SRL: variants seen among roughly 807,000 people sequenced by gnomAD.
SRL encodes the protein sarcalumenin.
Under a neutral mutation model 39.5 loss-of-function variants are expected in SRL, and 23 were observed. The ratio of observed to expected loss-of-function variants is 0.58; its 90% CI spans 0.42 to 0.82. SRL has a LOEUF of 0.82. Ranked by LOEUF, SRL falls within the 40% of genes least tolerant of loss-of-function variation. SRL has a pLI of 0.00. For missense variants in SRL, 592 were observed against 607.8 expected (o/e 0.97, Z 0.27); for synonymous variants, 272 against 237.4 (o/e 1.15, Z -1.34).
In SRL at chr16:4,195,647, C is replaced by T; in HGVS notation, c.516G>A (p.Lys172=). The change falls in exon 5 of 6, where the codon AAG becomes AAA. Residue 172 remains lysine (K), a synonymous_variant. Transcript: ENST00000399609. ...LEKFGQNFLE[K]LIGIEVPHKL... is the part of the protein sequence containing the mutation. ...TGTGGGGAACCTCAATGCCAATCAG[C>T]TTCTCTAGGAAATTCTGGCCAAACT... 6.2e-7 allele frequency: 1 copy of T among 1,614,192 alleles called. No homozygotes were observed. Among genetic ancestry groups the T allele is most frequent in the Non-Finnish European group, 8.5e-7 (1 of 1,180,038 alleles).
chr16:4,194,055 C>T (rs2052101736), intron 5 of SRL, among the ~76,000 whole-genome samples: 1 of 152,074 alleles, frequency 6.6e-6, no homozygotes, highest in Admixed American at 6.6e-5. Flanking sequence ...TAACCATAAA[C>T]TGAGATCCAC....
At chr16:4,202,382 C>T (rs993867938) in intron 3 of SRL, among the ~76,000 whole-genome samples, 8 of 152,050 alleles carry the variant, frequency 5.3e-5, no homozygotes, top group East Asian at 1.9e-4. Context: ...TCACGAGGTC[C>T]GCAGACAGAG....
At position 4,193,092 on chromosome 16, in the gene SRL, CA is replaced by C. The variant is rs1461025484; in HGVS notation, c.611-129del. The C allele has an allele frequency of 3.8e-6, 3 of 783,666 alleles. No homozygotes were observed. The African/African-American group carries it at 5.2e-5, about 14-fold the overall frequency. 48.5% of individuals were successfully genotyped at this position (783,666 alleles called of 1,614,324 possible). On this transcript the variant is annotated intron_variant, in intron 5 of 5. Coordinates refer to ENST00000399609, the MANE Select transcript of SRL (RefSeq NM_001098814.2). ...GCGCTACGGATTTTCTGGGTTTCTA[CA>C]GACTATTAAAAAATCAATTGCATAT... is the stretch of plus-strand genomic sequence containing the variant.
rs369136483 is a variant in SRL, at chr16:4,192,558, C to G, written c.1017G>C (p.Arg339=). The change falls in exon 6 of 6, where the codon CGG becomes CGC. Residue 339 remains arginine, a synonymous_variant. Transcript: ENST00000399609. The surrounding 1 kb of genome is among the most constrained non-coding windows in gnomAD (Gnocchi z 4.0). ...KIAFIRQHAI[R]VRIHALLVDR... ...CAACCAGGAGGGCGTGGATGCGGAC[C>G]CGGATGGCGTGCTGGCGGATGAAGG... 4 of 1,614,104 alleles carry G rather than the reference C, an allele frequency of 2.5e-6. No homozygotes were observed. Among genetic ancestry groups the G allele is most frequent in the Admixed American group, 1.7e-5 (1 of 60,006 alleles).
chr16:4,238,365 C>G (rs2052734857), intron 1 of SRL, among the ~76,000 whole-genome samples: 1 of 152,158 alleles, frequency 6.6e-6, no homozygotes, highest in Non-Finnish European at 1.5e-5. Context: ...CTGTCCCCCT[C>G]CTGAGTCCAT....
chr16:4,213,120 A>C (rs2052413724), intron 1 of SRL, among the ~76,000 whole-genome samples: 10 of 151,968 alleles, frequency 6.6e-5, no homozygotes, highest in Admixed American at 6.6e-4. Context: ...GAGTTCACAA[A>C]CCATGTCCCA....
chr16:4,232,585 A>G (rs1597296811), intron 1 of SRL, among the ~76,000 whole-genome samples: 1 of 151,694 alleles, frequency 6.6e-6, no homozygotes, highest in East Asian at 1.9e-4. Context: ...ATTACAGTTC[A>G]CCGCAGCCAT....
chr16:4,229,210 G>A (rs2052631752), intron 1 of SRL, among the ~76,000 whole-genome samples: 1 of 152,076 alleles, frequency 6.6e-6, no homozygotes, highest in African/African-American at 2.4e-5. Flanking sequence ...TTGGGAAGCC[G>A]AGGCGGGTGG....
At chr16:4,204,486 G>C (rs1257794436) in intron 2 of SRL, 47 bp downstream of exon 2, 1 of 1,437,988 alleles carries the variant, frequency 7.0e-7, no homozygotes. Flanking sequence ...CCGGGCCCTG[G>C]TGGCCGGGCT....
chr16:4,199,918 A>C (rs2052203162), intron 3 of SRL, among the ~76,000 whole-genome samples: 1 of 152,006 alleles, frequency 6.6e-6, no homozygotes, highest in Non-Finnish European at 1.5e-5. Context: ...GCTGGTCTCG[A>C]ACTCTTGACC....
chr16:4,218,800 G>A (rs11859130), intron 1 of SRL, among the ~76,000 whole-genome samples: 19,116 of 152,204 alleles, frequency 0.13, 2,027 homozygotes, highest in African/African-American at 0.29. Flanking sequence ...AGAAGCCGGC[G>A]GTTCCCAAGT....
At position 4,207,815 on chromosome 16, in the gene SRL, C is replaced by T. The variant is rs189982570; in HGVS notation, c.62-3181G>A. ...GGCCATTCTTTTCCTCCCCAGGCCC[C>T]GCAGCGTCCCTGTCGTCCCTTTCCC... On this transcript the variant is annotated intron_variant, in intron 1 of 5. Coordinates refer to ENST00000399609, the MANE Select transcript of SRL (RefSeq NM_001098814.2). 2.2e-3 allele frequency: 987 copies of T among 456,516 alleles called. 3 individuals are homozygous for T. Among genetic ancestry groups the T allele is most frequent in the Non-Finnish European group, 2.4e-3 (543 of 226,894 alleles). 28.3% of individuals were successfully genotyped at this position (456,516 alleles called of 1,614,324 possible). A position where few individuals can be genotyped will look rare whatever the true frequency, so the allele number is the denominator to read the frequency against.
rs2052079050 is a variant in SRL at position 4,192,419 on chromosome 16, C to T, written c.1156G>A (p.Ala386Thr). The T allele has an allele frequency of 2.5e-6, 4 of 1,614,180 alleles. No homozygotes were observed. Among genetic ancestry groups the T allele is most frequent in the Non-Finnish European group, 3.4e-6 (4 of 1,180,044 alleles). Reference sequence around the variant, plus strand: ...TCAAATTTGCTGACATTGGTCTTTGCCAGGATGGTCTTGAAGATGTAGAAT... The same window carrying T: ...TCAAATTTGCTGACATTGGTCTTTGTCAGGATGGTCTTGAAGATGTAGAAT... Reference protein sequence around the residue: ...DKFYIFKTILAKTNVSKFDLP... With the variant: ...DKFYIFKTILTKTNVSKFDLP... Residue 386 changes from alanine (A) to threonine (T), a missense_variant, in exon 6 of 6, where the codon GCA becomes ACA. By Grantham distance (58) the Ala-to-Thr change is moderately conservative. Coordinates refer to ENST00000399609, the MANE Select transcript of SRL (RefSeq NM_001098814.2). This position sits in a 1 kb window ranked among gnomAD's most constrained non-coding sequence, Gnocchi z 4.0.
At chr16:4,230,236 G>GC (rs1426157953) in intron 1 of SRL, among the ~76,000 whole-genome samples, 1 of 151,652 alleles carries the variant, frequency 6.6e-6, no homozygotes, top group Non-Finnish European at 1.5e-5. Context: ...AGATCAGCCA[G>GC]GGGGGGCAAC....
chr16:4,223,489 C>G (rs1489626364), intron 1 of SRL, among the ~76,000 whole-genome samples: 1 of 151,900 alleles, frequency 6.6e-6, no homozygotes, highest in Non-Finnish European at 1.5e-5. Context: ...ACGATCCTCC[C>G]ACCTCAGCCT....
intron 1 of SRL, among the ~76,000 whole-genome samples, chr16:4,225,001 C>T (rs1376948430): frequency 2.0e-5 from 3 of 152,188 alleles, no homozygotes; most frequent in Non-Finnish European, 4.4e-5. Flanking sequence ...CAAGAGACCA[C>T]ATCTTGTGTG....
At chr16:4,207,312 C>G (rs75825892) in intron 1 of SRL, 1 of 456,728 alleles carries the variant, frequency 2.2e-6, no homozygotes, top group African/African-American at 2.0e-5. Context: ...TGCCTTAACG[C>G]TTTGGGCGCC....
At position 4,240,220 on chromosome 16, in the gene SRL, G is replaced by A. The variant is rs372291186; in HGVS notation, c.61+1787C>T. 9.8e-5 allele frequency among the ~76,000 whole-genome samples: 15 copies of A among 152,314 alleles called. No individual in the cohort carries two copies. The East Asian group carries it at 2.1e-3, about 22-fold the overall frequency. On this transcript the variant is annotated intron_variant, in intron 1 of 5. Coordinates refer to ENST00000399609, the MANE Select transcript of SRL (RefSeq NM_001098814.2). ...ATAGGGAGGGAAGTTAGCACACAGC[G>A]GAGAGATGAGGGAAAGAGGTCAGGA...
At chr16:4,207,610 C>T in intron 1 of SRL, 1 of 444,560 alleles carries the variant, frequency 2.2e-6, no homozygotes, top group South Asian at 1.6e-5. Context: ...ACCTCCTGGA[C>T]TTCCTCGGGG....
Sources: allele counts gnomAD v4.1 joint callset (sites outside exome capture counted in the v4.1 genomes callset), GRCh38; gene constraint gnomAD v4.1.1; non-coding constraint Gnocchi (gnomAD v3.1); transcripts MANE v1.5; gene names NCBI Gene and HGNC (gene_info 2026-07-23, HGNC 2026-07-21).